The following CCDC91 variants were observed in gnomAD, a reference collection of about 807,000 sequenced individuals.
The protein encoded by CCDC91 is coiled-coil domain containing 91.
In CCDC91, 48 loss-of-function variants were observed where a neutral mutation model predicts 63.2. The ratio of observed to expected loss-of-function variants is 0.76; its 90% confidence interval spans 0.60 to 0.97. The LOEUF (loss-of-function observed/expected upper bound fraction) is 0.97. CCDC91 is among the 50% of genes least tolerant of loss of function. The pLI is 0.00. For missense variants in CCDC91, 500 were observed against 494.6 expected (o/e 1.01, Z -0.10); for synonymous variants, 167 against 165.8 (o/e 1.01, Z -0.06).
chr12:28,544,987 C>G (rs377537546), intron 12 of CCDC91, among the ~76,000 whole-genome samples: 1 of 152,002 alleles, frequency 6.6e-6, no homozygotes, highest in Admixed American at 6.6e-5. Flanking sequence ...GTTATACCAG[C>G]AAACTGAAGC....
chr12:28,410,120 A>G (rs1399282328), intron 8 of CCDC91, among the ~76,000 whole-genome samples: 1 of 152,148 alleles, frequency 6.6e-6, no homozygotes, highest in Non-Finnish European at 1.5e-5. Context: ...TTGAGAGGCA[A>G]GTGTTGAAAT....
At chr12:28,318,543 AAAAAAT>A (rs1565789662) in intron 6 of CCDC91, among the ~76,000 whole-genome samples, 1 of 151,900 alleles carries the variant, frequency 6.6e-6, no homozygotes, top group African/African-American at 2.4e-5. Context: ...CCTGTCTCCA[AAAAAAT>A]TTCTTTTTCA....
chr12:28,499,623 G>A (rs1445691444), intron 12 of CCDC91, among the ~76,000 whole-genome samples: 2 of 149,144 alleles, frequency 1.3e-5, no homozygotes, highest in African/African-American at 4.9e-5. Context: ...TTCTGTTCTT[G>A]TGAGAATAAT....
intron 6 of CCDC91, among the ~76,000 whole-genome samples, chr12:28,318,992 A>G (rs1940200207): frequency 6.6e-6 from 1 of 151,998 alleles, no homozygotes; most frequent in Non-Finnish European, 1.5e-5. Context: ...GACAGAAAAG[A>G]CTAAATTATA....
At chr12:28,543,165 C>A (rs573043368) in intron 12 of CCDC91, among the ~76,000 whole-genome samples, 11 of 152,024 alleles carry the variant, frequency 7.2e-5, no homozygotes, top group Non-Finnish European at 2.9e-5. Context: ...TGGATTGAAG[C>A]CCTACCCTAA....
At chr12:28,293,654 A>G (rs1375361441) in intron 3 of CCDC91, among the ~76,000 whole-genome samples, 1 of 151,916 alleles carries the variant, frequency 6.6e-6, no homozygotes, top group Non-Finnish European at 1.5e-5. Flanking sequence ...TTCTTTTTGA[A>G]GTTTTCATCT....
rs1164501251 is a variant in CCDC91, at chr12:28,362,130, C to T, written c.577-308C>T. ...GTTGCAGTGACGCAGGGTTTCCCAT[C>T]TCTTGATCCATGTCAAGAATTGGCA... On this transcript the variant is annotated intron_variant, in intron 6 of 12. Coordinates refer to ENST00000536442, the MANE Select transcript of CCDC91 (RefSeq NM_018318.5). Among the ~76,000 whole-genome samples, 3 of 152,126 alleles carry T rather than the reference C, an allele frequency of 2.0e-5. No individual in the cohort carries two copies. In the East Asian group the frequency reaches 5.8e-4, roughly 29 times the overall value.
intron 3 of CCDC91, among the ~76,000 whole-genome samples, chr12:28,268,088 G>T (rs1947478057): frequency 6.7e-6 from 1 of 148,258 alleles, no homozygotes; most frequent in Admixed American, 6.9e-5. Context: ...TTTTGAGACA[G>T]AGTCTTGCTC....
At chr12:28,484,020 TC>T in intron 11 of CCDC91, 31 bp from the exon 12 acceptor site, 1 of 1,351,672 alleles carries the variant, frequency 7.4e-7, no homozygotes, top group Non-Finnish European at 1.1e-6. Flanking sequence ...AGTGCTCACC[TC>T]CCTGACTGTT....
chr12:28,444,327 G>A (rs1949385730), intron 8 of CCDC91, among the ~76,000 whole-genome samples: 2 of 152,198 alleles, frequency 1.3e-5, no homozygotes, highest in South Asian at 2.1e-4. Context: ...TGAACAATTC[G>A]TATTTCAATT....
At chr12:28,447,444 G>A (rs1949557136) in intron 8 of CCDC91, among the ~76,000 whole-genome samples, 1 of 151,702 alleles carries the variant, frequency 6.6e-6, no homozygotes, top group African/African-American at 2.4e-5. Context: ...TTTTTATAAT[G>A]AGCATATATC....
At chr12:28,476,000 T>G (rs1037331853) in intron 11 of CCDC91, among the ~76,000 whole-genome samples, 1 of 151,932 alleles carries the variant, frequency 6.6e-6, no homozygotes, top group Non-Finnish European at 1.5e-5. Flanking sequence ...TGTCACTCAT[T>G]TTCCTAGTAT....
rs953984303 is a variant in CCDC91, at chr12:28,308,490, G to C, written c.576+741G>C. On this transcript the variant is annotated intron_variant, in intron 6 of 12. Transcript: ENST00000536442. ...ATTATTCTGTTCTAAAACCTTCGTG[G>C]GCTTCTTATCTTTCCCACACTAAAA... Among the ~76,000 whole-genome samples the C allele has an allele frequency of 7.9e-5, 12 of 151,894 alleles. 1 individual carries two copies. The highest frequency in any genetic ancestry group is 1.6e-4 in the Non-Finnish European group (11 of 67,942).
chr12:28,299,664 G>T (rs748680391), intron 3 of CCDC91, among the ~76,000 whole-genome samples: 2 of 151,466 alleles, frequency 1.3e-5, no homozygotes, highest in Non-Finnish European at 3.0e-5. Flanking sequence ...CATTCCTGCC[G>T]ATCTTCCACT....
At chr12:28,238,270 G>C (rs1945100421) in intron 1 of CCDC91, among the ~76,000 whole-genome samples, 1 of 152,080 alleles carries the variant, frequency 6.6e-6, no homozygotes, top group African/African-American at 2.4e-5. Context: ...CAAAAGATAT[G>C]AAGAAGCCAG....
chr12:28,261,729 A>G (rs1946833603), intron 3 of CCDC91, among the ~76,000 whole-genome samples: 2 of 151,966 alleles, frequency 1.3e-5, no homozygotes, highest in Admixed American at 6.6e-5. Flanking sequence ...CCTCTTCTCT[A>G]GGAGTGAATA....
chr12:28,218,699 T>TTGTG (rs60247849), intron 1 of CCDC91, among the ~76,000 whole-genome samples: 26,660 of 146,444 alleles, frequency 0.18, 2,677 homozygotes, highest in East Asian at 0.52. Flanking sequence ...TTGCAGATGT[T>TTGTG]TGTGTGTGTG....
chr12:28,445,859 A>G (rs1054864328), intron 8 of CCDC91, among the ~76,000 whole-genome samples: 1 of 151,926 alleles, frequency 6.6e-6, no homozygotes, highest in African/African-American at 2.4e-5. Flanking sequence ...AATCCCAGTT[A>G]CCTCCTAAAG....
At chr12:28,519,979 G>A (rs1012523206) in intron 12 of CCDC91, among the ~76,000 whole-genome samples, 13 of 151,984 alleles carry the variant, frequency 8.6e-5, no homozygotes, top group African/African-American at 2.9e-4. Flanking sequence ...TCATTGATGG[G>A]CATTTGGGTT....
Sources: allele counts gnomAD v4.1 joint callset (sites outside exome capture counted in the v4.1 genomes callset), GRCh38; gene constraint gnomAD v4.1.1; transcripts MANE v1.5; gene names NCBI Gene and HGNC (gene_info 2026-07-23, HGNC 2026-07-21).